Variants in ANKS1B observed in about 807,000 individuals in gnomAD.
ANKS1B encodes ankyrin repeat and sterile alpha motif domain-containing protein 1B.
ANKS1B carries 36 observed loss-of-function variants against 148.3 expected under a neutral mutation model. That is an observed-to-expected ratio of 0.24 (90% CI 0.19 to 0.32). ANKS1B has a LOEUF of 0.32. Among genes scored for constraint, ANKS1B ranks in the 10% least tolerant of loss-of-function variants. The pLI is 1.00. For synonymous variants in ANKS1B, 542 were observed against 560.8 expected, an observed-to-expected ratio of 0.97 and a Z score of 0.47; for missense variants, 1,157 against 1,542.6, an observed-to-expected ratio of 0.75 and a Z score of 4.19.
intron 9 of ANKS1B, among the ~76,000 whole-genome samples, chr12:99,632,451 G>A (rs1033272937): frequency 1.4e-4 from 21 of 151,794 alleles, no homozygotes; most frequent in African/African-American, 4.8e-4. Context: ...GGAGCCATAG[G>A]AGCAAAACCA....
intron 9 of ANKS1B, among the ~76,000 whole-genome samples, chr12:99,640,509 C>T (rs944928300): frequency 2.6e-5 from 4 of 152,110 alleles, no homozygotes; most frequent in East Asian, 1.9e-4. Context: ...TGAGTTCAAC[C>T]GTCTCTCATT....
intron 15 of ANKS1B, among the ~76,000 whole-genome samples, chr12:99,113,225 C>T (rs1362632002): frequency 2.6e-5 from 4 of 152,058 alleles, no homozygotes; most frequent in Middle Eastern, 3.2e-3. Flanking sequence ...CCACAGAATC[C>T]CTAAACTTAA....
At chr12:99,697,570 A>G (rs1180082711) in intron 8 of ANKS1B, among the ~76,000 whole-genome samples, 1 of 152,144 alleles carries the variant, frequency 6.6e-6, no homozygotes, top group African/African-American at 2.4e-5. Context: ...AGTGGTTGCC[A>G]AAGTTCTGGG....
intron 17 of ANKS1B, among the ~76,000 whole-genome samples, chr12:98,881,166 A>G (rs2099707007): frequency 6.6e-6 from 1 of 152,224 alleles, no homozygotes; most frequent in Admixed American, 6.5e-5. Context: ...TAAATGCCAC[A>G]TTGATAACTG....
chr12:99,213,204 C>T (rs1342383842), intron 14 of ANKS1B, among the ~76,000 whole-genome samples: 1 of 152,198 alleles, frequency 6.6e-6, no homozygotes, highest in Admixed American at 6.5e-5. Context: ...ATGGCTATAG[C>T]GTCATTTCAG....
chr12:98,834,211 GCTC>G (rs1476300543), intron 17 of ANKS1B, among the ~76,000 whole-genome samples: 3 of 152,272 alleles, frequency 2.0e-5, no homozygotes. Flanking sequence ...TCATAAAGCA[GCTC>G]CTCTTTTCCA....
intron 12 of ANKS1B, among the ~76,000 whole-genome samples, chr12:99,393,086 G>A (rs1283866061): frequency 1.5e-5 from 2 of 137,284 alleles, no homozygotes; most frequent in East Asian, 2.3e-4. Context: ...TAGATCAATC[G>A]ATAGACAGAT....
At chr12:99,773,123 G>T in intron 7 of ANKS1B, 35 bp from the exon 8 acceptor site, 1 of 1,558,590 alleles carries the variant, frequency 6.4e-7, no homozygotes, top group Non-Finnish European at 8.7e-7. Context: ...TTTCAAGAAA[G>T]GCTATTGTTA....
intron 12 of ANKS1B, among the ~76,000 whole-genome samples, chr12:99,324,527 T>C (rs1298104849): frequency 6.6e-6 from 1 of 152,198 alleles, no homozygotes; most frequent in Non-Finnish European, 1.5e-5. Context: ...CTTAGCTTAA[T>C]AAGGTCCTTT....
At chr12:99,366,522 T>C (rs2092778234) in intron 12 of ANKS1B, among the ~76,000 whole-genome samples, 1 of 152,054 alleles carries the variant, frequency 6.6e-6, no homozygotes, top group South Asian at 2.1e-4. Context: ...ATGAAACAAA[T>C]AGAAAGTCCA....
intron 10 of ANKS1B, among the ~76,000 whole-genome samples, chr12:99,466,708 T>C (rs1381247903): frequency 6.6e-6 from 1 of 151,908 alleles, no homozygotes. Context: ...ATAAATTCCT[T>C]GACACATACA....
chr12:99,142,419 G>T (rs1434921239), intron 15 of ANKS1B, among the ~76,000 whole-genome samples: 1 of 151,980 alleles, frequency 6.6e-6, no homozygotes, highest in Non-Finnish European at 1.5e-5. Context: ...GCATTATTTT[G>T]GGAGGCTTGG....
intron 22 of ANKS1B, among the ~76,000 whole-genome samples, chr12:98,784,180 T>C (rs561101591): frequency 9.1e-4 from 138 of 152,200 alleles, no homozygotes; most frequent in Non-Finnish European, 1.7e-3. Flanking sequence ...AGATATCCAG[T>C]AGGAAATGAG....
chr12:99,280,909 A>C (rs1822657738), intron 12 of ANKS1B, among the ~76,000 whole-genome samples: 1 of 151,532 alleles, frequency 6.6e-6, no homozygotes, highest in African/African-American at 2.4e-5. Flanking sequence ...ATGCACGTAC[A>C]CACACACACG....
intron 9 of ANKS1B, among the ~76,000 whole-genome samples, chr12:99,599,557 T>C (rs1017857792): frequency 7.2e-5 from 11 of 151,984 alleles, no homozygotes; most frequent in African/African-American, 2.7e-4. Context: ...AGGCAAGAGA[T>C]TATTGAAACC....
chr12:99,485,025 G>C (rs144427191), intron 10 of ANKS1B, among the ~76,000 whole-genome samples: 2 of 151,640 alleles, frequency 1.3e-5, no homozygotes, highest in Non-Finnish European at 2.9e-5. Context: ...TACATTCAAC[G>C]TTAATATTGA....
At chr12:99,380,102 A>C (rs78815597) in intron 12 of ANKS1B, among the ~76,000 whole-genome samples, 1 of 152,138 alleles carries the variant, frequency 6.6e-6, no homozygotes, top group African/African-American at 2.4e-5. Flanking sequence ...AGTTGAACCA[A>C]GGGCATTTTC....
chr12:99,464,480 G>C (rs910625959), intron 10 of ANKS1B, among the ~76,000 whole-genome samples: 5 of 152,100 alleles, frequency 3.3e-5, no homozygotes, highest in African/African-American at 1.2e-4. Flanking sequence ...GGCTTCAGAC[G>C]ATCAAACTAC....
chr12:99,441,480 T>C (rs1191242791), intron 11 of ANKS1B, among the ~76,000 whole-genome samples: 2 of 151,916 alleles, frequency 1.3e-5, no homozygotes, highest in African/African-American at 2.4e-5. Flanking sequence ...TCATAACTCA[T>C]ATGGAGAAAT....
Sources: allele counts gnomAD v4.1 joint callset (sites outside exome capture counted in the v4.1 genomes callset), GRCh38; gene constraint gnomAD v4.1.1; transcripts MANE v1.5; gene names NCBI Gene and HGNC (gene_info 2026-07-23, HGNC 2026-07-21).